The following GINM1 variants were observed in gnomAD, a reference collection of about 807,000 sequenced individuals.
GINM1 encodes the protein glycoprotein integral membrane protein 1.
A neutral mutation model predicts 37.8 loss-of-function variants in GINM1; 29 were observed. The ratio of observed to expected loss-of-function variants is 0.77; its 90% CI spans 0.57 to 1.05. The LOEUF (loss-of-function observed/expected upper bound fraction) is 1.05. GINM1 is among the 50% of genes least tolerant of loss of function. The pLI, the probability that GINM1 is intolerant of heterozygous loss-of-function variation, is 0.00. For synonymous variants in GINM1, 143 were observed against 146.2 expected (o/e 0.98, Z 0.16); for missense variants, 377 against 397.9 (o/e 0.95, Z 0.45).
Position 149,566,551 on chromosome 6 carries a change from C to T in GINM1, c.120+17C>T. 2 of 1,484,210 alleles carry T rather than the reference C, an allele frequency of 1.3e-6. No homozygotes were observed. Among genetic ancestry groups the T allele is most frequent in the Admixed American group, 2.2e-5 (1 of 45,052 alleles). 91.9% of individuals were successfully genotyped at this position (1,484,210 alleles called of 1,614,324 possible). A position where few individuals can be genotyped will look rare whatever the true frequency, so the allele number is the denominator to read the frequency against. On this transcript the variant is annotated intron_variant, in intron 1 of 7. Transcript: ENST00000367419. This position sits in a 1 kb window ranked among gnomAD's most constrained non-coding sequence, Gnocchi z 4.4. ...GCCCCACAGGTAGGGCAGGGCGGGC[C>T]TGGCTGGCCGCTTTACGACTCCGAC...
At chr6:149,572,714 T>C in intron 3 of GINM1, 111 bp downstream of exon 3, 1 of 713,228 alleles carries the variant, frequency 1.4e-6, no homozygotes, top group Non-Finnish European at 2.5e-6. Flanking sequence ...CAGGCTGGAG[T>C]GCAATGGTGC....
chr6:149,587,378 C>T (rs1778085145), intron 7 of GINM1, among the ~76,000 whole-genome samples: 1 of 152,166 alleles, frequency 6.6e-6, no homozygotes, highest in African/African-American at 2.4e-5. Context: ...CTTAGTTCCA[C>T]AAGACTGCCC....
chr6:149,574,441 CCTT>C (rs1418767130), intron 3 of GINM1, among the ~76,000 whole-genome samples: 1 of 152,138 alleles, frequency 6.6e-6, no homozygotes, highest in Non-Finnish European at 1.5e-5. Flanking sequence ...TTTAAATCCT[CCTT>C]CTTGTTTCCT....
intron 4 of GINM1, among the ~76,000 whole-genome samples, 187 bp from the exon 5 acceptor site, chr6:149,579,647 G>A (rs1378764306): frequency 3.3e-5 from 5 of 149,958 alleles, no homozygotes; most frequent in Non-Finnish European, 4.4e-5. Flanking sequence ...AGCTGAGATC[G>A]CACCATTGCA....
intron 3 of GINM1, among the ~76,000 whole-genome samples, chr6:149,577,140 C>G (rs1355054598): frequency 6.6e-6 from 1 of 152,254 alleles, no homozygotes; most frequent in Non-Finnish European, 1.5e-5. Flanking sequence ...TACATCTCAA[C>G]ATGAGATTTG....
intron 3 of GINM1, among the ~76,000 whole-genome samples, chr6:149,576,766 A>G (rs1777920862): frequency 1.3e-5 from 2 of 152,180 alleles, no homozygotes; most frequent in South Asian, 4.1e-4. Context: ...GGAAGTCAAT[A>G]TGAAGGGCTT....
chr6:149,580,596 G>A lies in GINM1; in HGVS notation c.590G>A (p.Ser197Asn). Residue 197 changes from serine (S) to asparagine (N), a missense_variant, in exon 6 of 8, where the codon AGT becomes AAT. By Grantham distance (46) the Ser-to-Asn change is conservative (BLOSUM62 1). Transcript: ENST00000367419. ...CGTTGCTCTTTCTCCTGGGTAGAAAGTGTTAGTTCACTGCAAACCACTAGC... is the reference window on the plus strand; with the variant it reads ...CGTTGCTCTTTCTCCTGGGTAGAAAATGTTAGTTCACTGCAAACCACTAGC... Reference protein sequence around the residue: ...FTLPNLSKKESVSSLQTTSQY... With the variant: ...FTLPNLSKKENVSSLQTTSQY... 6.2e-7 allele frequency: 1 copy of A among 1,611,314 alleles called. No individual in the cohort carries two copies. Among genetic ancestry groups the A allele is most frequent in the Non-Finnish European group, 8.5e-7 (1 of 1,178,934 alleles).
chr6:149,585,163 C>CT (rs1778050592), intron 7 of GINM1, among the ~76,000 whole-genome samples: 1 of 152,042 alleles, frequency 6.6e-6, no homozygotes, highest in East Asian at 1.9e-4. Flanking sequence ...TAATGTTTTT[C>CT]TTTTTCTTTT....
At chr6:149,572,149 AGAT>A (rs1777836237) in intron 1 of GINM1, 133 bp from the exon 2 acceptor site, 1 of 436,196 alleles carries the variant, frequency 2.3e-6, no homozygotes, top group Middle Eastern at 5.5e-4. Flanking sequence ...AAAATGGAAA[AGAT>A]GATCTTTTAA....
At chr6:149,584,155 T>C (rs1778038209) in intron 7 of GINM1, among the ~76,000 whole-genome samples, 1 of 152,062 alleles carries the variant, frequency 6.6e-6, no homozygotes, top group African/African-American at 2.4e-5. Flanking sequence ...TTTGTATTTT[T>C]AGTAGAGATG....
chr6:149,590,717 TCTA>T lies in GINM1; in HGVS notation c.882-9_882-7del, dbSNP rs751441756. The T allele has an allele frequency of 7.9e-5, 107 of 1,362,070 alleles. 2 individuals are homozygous for T. The South Asian group carries it at 1.3e-3, about 16-fold the overall frequency. 84.4% of individuals were successfully genotyped at this position (1,362,070 alleles called of 1,614,324 possible). On this transcript the variant is annotated splice_polypyrimidine_tract_variant and splice_region_variant and intron_variant, in intron 7 of 7. Coordinates refer to ENST00000367419, the MANE Select transcript of GINM1 (RefSeq NM_138785.5). Reference sequence around the variant, plus strand: ...TAATTTTGATAGTAATTAATCACTTTCTATTTCAGAGGAATTCTTCAGTTGGAT... The same window carrying T: ...TAATTTTGATAGTAATTAATCACTTTTTTCAGAGGAATTCTTCAGTTGGAT...
intron 7 of GINM1, among the ~76,000 whole-genome samples, chr6:149,588,922 G>A (rs192982879): frequency 5.9e-5 from 9 of 152,148 alleles, no homozygotes; most frequent in African/African-American, 1.7e-4. Context: ...TCATGCCTCA[G>A]CCTCCTGAAT....
chr6:149,568,006 T>C (rs971591400), intron 1 of GINM1, among the ~76,000 whole-genome samples: 1 of 152,280 alleles, frequency 6.6e-6, no homozygotes, highest in East Asian at 1.9e-4. Context: ...GACTGCAGGC[T>C]TAAAATACAC....
rs1137089 is a variant in GINM1, at chr6:149,591,088, A to G, written c.*250A>G. On this transcript the variant is annotated 3_prime_UTR_variant, in exon 8 of 8. Transcript: ENST00000367419. ...TGCGGGCGGATCACGAGGTCAGATC[A>G]AGACCATCCTGCCAACATGGTGAAA... 4.1e-5 allele frequency: 13 copies of G among 315,272 alleles called. No individual in the cohort carries two copies. Among genetic ancestry groups the G allele is most frequent in the South Asian group, 1.6e-4 (3 of 18,592 alleles). The allele number at this position is 315,272 out of a possible 1,614,324, so 19.5% of individuals were successfully genotyped here.
At chr6:149,573,977 A>G (rs1777870241) in intron 3 of GINM1, among the ~76,000 whole-genome samples, 1 of 152,048 alleles carries the variant, frequency 6.6e-6, no homozygotes, top group East Asian at 1.9e-4. Context: ...TTTAAAGGTA[A>G]GCAGGTATGT....
chr6:149,588,993 T>TG (rs1254034317), intron 7 of GINM1, among the ~76,000 whole-genome samples: 1 of 152,024 alleles, frequency 6.6e-6, no homozygotes, highest in Non-Finnish European at 1.5e-5. Flanking sequence ...TTAGTAGAGA[T>TG]GGGTTTCACC....
intron 1 of GINM1, among the ~76,000 whole-genome samples, chr6:149,571,658 G>C (rs1235586121): frequency 6.6e-6 from 1 of 152,114 alleles, no homozygotes; most frequent in Non-Finnish European, 1.5e-5. Flanking sequence ...TGCAGAGCCT[G>C]CCAAGGTAGG....
chr6:149,566,559 C>A lies in GINM1; in HGVS notation c.120+25C>A, dbSNP rs546249431. The A allele has an allele frequency of 3.4e-6, 5 of 1,474,740 alleles. No individual in the cohort carries two copies. In the African/African-American group the frequency reaches 7.3e-5, roughly 21 times the overall value. 91.4% of individuals were successfully genotyped at this position (1,474,740 alleles called of 1,614,324 possible). ...GGTAGGGCAGGGCGGGCCTGGCTGG[C>A]CGCTTTACGACTCCGACTCTCCGGG... On this transcript the variant is annotated intron_variant, in intron 1 of 7. Transcript: ENST00000367419. This position sits in a 1 kb window ranked among gnomAD's most constrained non-coding sequence, Gnocchi z 4.4.
intron 7 of GINM1, among the ~76,000 whole-genome samples, chr6:149,588,466 A>G (rs1213061858): frequency 1.3e-5 from 2 of 152,148 alleles, no homozygotes; most frequent in Non-Finnish European, 2.9e-5. Flanking sequence ...ATCCCAGCCT[A>G]TCGTTTGTCT....
Sources: gnomAD v4.1 joint callset for allele counts (sites outside exome capture counted in the v4.1 genomes callset) on GRCh38, gnomAD v4.1.1 for gene constraint, Gnocchi (gnomAD v3.1) non-coding constraint, MANE v1.5 for transcripts, NCBI Gene and HGNC (gene_info 2026-07-23, HGNC 2026-07-21) for gene names.